The following COL4A2 variants were observed in gnomAD, a reference collection of about 807,000 sequenced individuals.
The protein encoded by COL4A2 is collagen alpha-2(IV) chain.
Under a neutral mutation model 200.2 loss-of-function variants are expected in COL4A2, and 99 were observed. The observed-to-expected ratio is 0.49, with a 90% CI of 0.42 to 0.58. The LOEUF (loss-of-function observed/expected upper bound fraction) is 0.58. Ranked by LOEUF, COL4A2 falls within the 20% of genes least tolerant of loss-of-function variation. The probability of loss-of-function intolerance (pLI) is 0.00; values close to 1 mark genes in which losing one functional copy is unlikely to be tolerated. For synonymous variants in COL4A2, 897 were observed against 900.6 expected, an observed-to-expected ratio of 1.00 and a Z score of 0.07; for missense variants, 1,950 against 2,314.1, an observed-to-expected ratio of 0.84 and a Z score of 3.23.
chr13:110,396,325 T>C, intron 4 of COL4A2, among the ~76,000 whole-genome samples: 1 of 152,232 alleles, frequency 6.6e-6, no homozygotes, highest in East Asian at 1.9e-4. Flanking sequence ...CAGCCATGCT[T>C]GTAAAAACAT....
At chr13:110,373,569 T>A (rs1487552151) in intron 4 of COL4A2, among the ~76,000 whole-genome samples, 2 of 152,236 alleles carry the variant, frequency 1.3e-5, no homozygotes, top group African/African-American at 4.8e-5. Flanking sequence ...CCTGTCCTCA[T>A]GTGTGGCTTA....
At chr13:110,445,977 C>T in intron 17 of COL4A2, 95 bp downstream of exon 17, 2 of 1,401,272 alleles carry the variant, frequency 1.4e-6, no homozygotes, top group East Asian at 2.3e-5. Flanking sequence ...GAGGCATCCC[C>T]TGCCCTAAAA....
intron 4 of COL4A2, among the ~76,000 whole-genome samples, chr13:110,411,527 CTT>C (rs1481763104): frequency 6.6e-6 from 1 of 152,146 alleles, no homozygotes; most frequent in Non-Finnish European, 1.5e-5. Flanking sequence ...ACCCATCACT[CTT>C]TAGCAGGGAG....
In COL4A2 at chr13:110,490,639, G is replaced by A. The variant is rs139764066; in HGVS notation, c.3347-594G>A. The stretch of plus-strand genomic sequence containing the variant: ...TCCCGGTGGCTTCCTCCTGAGTGAC[G>A]GGAGCTCTGTACTGCTGAGCCATCC... On this transcript the variant is annotated intron_variant, in intron 36 of 47. Transcript: ENST00000360467. 4.0e-3 allele frequency among the ~76,000 whole-genome samples: 605 copies of A among 152,260 alleles called. 7 individuals are homozygous for A. Among genetic ancestry groups the A allele is most frequent in the African/African-American group, 0.014 (574 of 41,542 alleles).
chr13:110,454,062 C>A (rs1315663782), intron 20 of COL4A2, among the ~76,000 whole-genome samples: 2 of 152,114 alleles, frequency 1.3e-5, no homozygotes, highest in Non-Finnish European at 2.9e-5. Flanking sequence ...AAAATCAAAC[C>A]ACGAAGACAG....
chr13:110,370,910 G>A lies in COL4A2; in HGVS notation c.180+13358G>A, dbSNP rs1877976438. On this transcript the variant is annotated intron_variant, in intron 4 of 47. Transcript: ENST00000360467. ...ATGGATGAAAAGGGATAGCTATGCA[G>A]CCATCTGCATACCCTCAAGTTGAAT... Among the ~76,000 whole-genome samples the A allele has an allele frequency of 2.0e-5, 3 of 152,234 alleles. No individual in the cohort carries two copies. In the South Asian group the frequency reaches 6.2e-4, roughly 31 times the overall value.
intron 17 of COL4A2, among the ~76,000 whole-genome samples, chr13:110,446,533 T>A (rs1881331630): frequency 6.6e-6 from 1 of 152,196 alleles, no homozygotes; most frequent in Non-Finnish European, 1.5e-5. Flanking sequence ...CACAGTCTCC[T>A]GGCATTCGAC....
chr13:110,359,954 A>G (rs867378993), intron 4 of COL4A2, among the ~76,000 whole-genome samples: 1 of 152,172 alleles, frequency 6.6e-6, no homozygotes, highest in Non-Finnish European at 1.5e-5. Flanking sequence ...TGGGGACTTT[A>G]TGGTTTAGAA....
intron 4 of COL4A2, among the ~76,000 whole-genome samples, chr13:110,397,593 G>C (rs1259632389): frequency 6.6e-6 from 1 of 152,230 alleles, no homozygotes; most frequent in Admixed American, 6.5e-5. Flanking sequence ...CTGGAGGCCA[G>C]AAGTACTGGC....
chr13:110,315,845 C>T (rs1250882427), intron 3 of COL4A2, among the ~76,000 whole-genome samples: 4 of 152,186 alleles, frequency 2.6e-5, no homozygotes, highest in African/African-American at 9.6e-5. Flanking sequence ...GGGCCCTCAA[C>T]AGAGCTTGTT....
At chr13:110,378,661 T>C (rs1409716525) in intron 4 of COL4A2, among the ~76,000 whole-genome samples, 2 of 152,216 alleles carry the variant, frequency 1.3e-5, no homozygotes, top group Non-Finnish European at 2.9e-5. Context: ...TTGAAGCAAA[T>C]GCCCTCTGCA....
intron 3 of COL4A2, among the ~76,000 whole-genome samples, chr13:110,314,925 A>G (rs1885092472): frequency 6.6e-6 from 1 of 152,048 alleles, no homozygotes; most frequent in Admixed American, 6.5e-5. Context: ...GGGACAGGCC[A>G]TGGCAGTGGG....
intron 4 of COL4A2, among the ~76,000 whole-genome samples, chr13:110,368,857 G>A (rs55667735): frequency 8.4e-5 from 10 of 118,558 alleles, no homozygotes; most frequent in Non-Finnish European, 1.8e-4. Flanking sequence ...AAGGGGGGGG[G>A]GGGGTTGAGC....
At chr13:110,406,264 C>T (rs1879565609) in intron 4 of COL4A2, among the ~76,000 whole-genome samples, 1 of 152,158 alleles carries the variant, frequency 6.6e-6, no homozygotes, top group South Asian at 2.1e-4. Flanking sequence ...GCTGCCCCTA[C>T]GGACACTGAT....
At position 110,349,067 on chromosome 13, in the gene COL4A2, T is replaced by C. The variant is rs145123829; in HGVS notation, c.100-8405T>C. 1.2e-4 allele frequency among the ~76,000 whole-genome samples: 18 copies of C among 152,354 alleles called. No individual in the cohort carries two copies. In the East Asian group the frequency reaches 1.9e-3, roughly 16 times the overall value. On this transcript the variant is annotated intron_variant, in intron 3 of 47. Transcript: ENST00000360467. Reference sequence around the variant, plus strand: ...TGGCATCCACTTTAAATGATACTCATGTCTGAAGAGGGCTGGGTGCATTTC... The same window carrying C: ...TGGCATCCACTTTAAATGATACTCACGTCTGAAGAGGGCTGGGTGCATTTC...
chr13:110,385,958 AGC>A lies in COL4A2; in HGVS notation c.180+28408_180+28409del, dbSNP rs1878721296. 2.4e-5 allele frequency among the ~76,000 whole-genome samples: 3 copies of A among 125,494 alleles called. 1 individual carries two copies. The highest frequency in any genetic ancestry group is 9.7e-5 in the African/African-American group (3 of 30,982). The allele number at this position is 125,494 out of a possible 152,430, so 82.3% of individuals were successfully genotyped here. A position where few individuals can be genotyped will look rare whatever the true frequency, so the allele number is the denominator to read the frequency against. Reference sequence around the variant, plus strand: ...CAGCGTGTGGATGGGCCGTGGTCACAGCGTGTGGATGGGCCGTGGTCACAGCG... The same window carrying A: ...CAGCGTGTGGATGGGCCGTGGTCACAGTGTGGATGGGCCGTGGTCACAGCG... On this transcript the variant is annotated intron_variant, in intron 4 of 47. Coordinates refer to ENST00000360467, the MANE Select transcript of COL4A2 (RefSeq NM_001846.4).
intron 3 of COL4A2, among the ~76,000 whole-genome samples, chr13:110,314,379 G>C (rs1885078004): frequency 6.6e-6 from 1 of 152,204 alleles, no homozygotes; most frequent in Admixed American, 6.5e-5. Context: ...GAGCAGATGT[G>C]GGCAGCAAGA....
chr13:110,345,071 G>A (rs1265384526), intron 3 of COL4A2, among the ~76,000 whole-genome samples: 1 of 152,124 alleles, frequency 6.6e-6, no homozygotes, highest in Non-Finnish European at 1.5e-5. Context: ...AGAAAAGCCT[G>A]TTCTTAAAAA....
At chr13:110,346,180 G>A (rs1251465808) in intron 3 of COL4A2, among the ~76,000 whole-genome samples, 1 of 152,172 alleles carries the variant, frequency 6.6e-6, no homozygotes, top group Non-Finnish European at 1.5e-5. Flanking sequence ...TGAAAAGAAA[G>A]AGAACTCTTT....
Sources: allele counts gnomAD v4.1 joint callset (sites outside exome capture counted in the v4.1 genomes callset), GRCh38; gene constraint gnomAD v4.1.1; transcripts MANE v1.5; gene names NCBI Gene and HGNC (gene_info 2026-07-23, HGNC 2026-07-21).